QPRT: variants seen among roughly 807,000 people sequenced by gnomAD.
QPRT encodes the protein quinolinate phosphoribosyltransferase.
A neutral mutation model predicts 19.8 loss-of-function variants in QPRT; 17 were observed. The ratio of observed to expected loss-of-function variants is 0.86; its 90% CI spans 0.59 to 1.29. QPRT has a LOEUF of 1.29. Ranked by LOEUF, QPRT falls within the 50% of genes most tolerant of loss-of-function variation. QPRT has a pLI of 0.00. For synonymous variants in QPRT, 178 were observed against 191.0 expected (o/e 0.93, Z 0.56); for missense variants, 336 against 405.1 (o/e 0.83, Z 1.46).
chr16:29,693,892 AC>A (rs1415796875), intron 1 of QPRT, among the ~76,000 whole-genome samples: 1 of 150,306 alleles, frequency 6.7e-6, no homozygotes, highest in Non-Finnish European at 1.5e-5. Flanking sequence ...GCCTGGCCAG[AC>A]TGATTTTTTT....
At chr16:29,695,793 CTTTT>C (rs35141323) in intron 2 of QPRT, 11 of 45,740 alleles carry the variant, frequency 2.4e-4, no homozygotes, top group East Asian at 6.7e-4. Flanking sequence ...ACCCAGCTGC[CTTTT>C]TTTTTTTTTT....
In QPRT at chr16:29,694,899, G is replaced by A. The variant is rs765221759; in HGVS notation, c.249G>A (p.Pro83=). ...WFLPEGSKLV[P]VARVAEVRGP... The stretch of plus-strand genomic sequence containing the variant: ...TCCCCGAGGGATCGAAGCTGGTGCC[G>A]GTGGCCAGAGTGGCCGAGGTCCGGG... The change falls in exon 2 of 4, where the codon CCG becomes CCA. Residue 83 remains proline (P), a synonymous_variant. Coordinates refer to ENST00000395384, the MANE Select transcript of QPRT (RefSeq NM_014298.6). 12 of 1,613,888 alleles carry A rather than the reference G, an allele frequency of 7.4e-6. No individual in the cohort carries two copies. In the East Asian group the frequency reaches 1.1e-4, roughly 15 times the overall value.
At position 29,679,203 on chromosome 16, in the gene QPRT, C is replaced by A. The variant is rs770550707; in HGVS notation, c.6C>A (p.Asp2Glu). The A allele has an allele frequency of 6.2e-7, 1 of 1,612,206 alleles. No homozygotes were observed. The highest frequency in any genetic ancestry group is 8.5e-7 in the Non-Finnish European group (1 of 1,178,528). The change falls in exon 1 of 4, where the codon GAC (aspartate) becomes GAA (glutamate). Residue 2 changes from aspartate (D) to glutamate (E), a missense_variant. Asp to Glu is a conservative substitution (Grantham distance 45). Coordinates refer to ENST00000395384, the MANE Select transcript of QPRT (RefSeq NM_014298.6). Reference sequence around the variant, plus strand: ...CCAGACAGCTGCAAGTCACCATGGACGCTGAAGGTAAAGGGACACTCTCTC... The same window carrying A: ...CCAGACAGCTGCAAGTCACCATGGAAGCTGAAGGTAAAGGGACACTCTCTC... M[D>E]AEGLALLLPP...
At chr16:29,679,266 C>G (rs1393277822) in intron 1 of QPRT, 56 bp downstream of exon 1, 1 of 1,382,508 alleles carries the variant, frequency 7.2e-7, no homozygotes, top group African/African-American at 1.4e-5. Flanking sequence ...CTGCCTACCC[C>G]TGCCCCCACC....
intron 1 of QPRT, among the ~76,000 whole-genome samples, chr16:29,691,201 C>G (rs13332001): frequency 0.015 from 2,255 of 150,904 alleles, 58 homozygotes; most frequent in African/African-American, 0.052. Flanking sequence ...CCTGTCTCTA[C>G]TAAAAATACA....
Position 29,695,073 on chromosome 16 carries a change from G to T in QPRT, c.423G>T (p.Thr141=), listed in dbSNP as rs765678157. The T allele has an allele frequency of 2.5e-6, 4 of 1,606,522 alleles. No individual in the cohort carries two copies. The South Asian group carries it at 3.3e-5, about 13-fold the overall frequency. ...TGHVAGTRKT[T]PGFRLVEKYG... ...ACGTGGCAGGCACGAGGAAGACCACGCCAGGCTTCCGGCTGGTGGAGAAGT... is the reference window on the plus strand; with the variant it reads ...ACGTGGCAGGCACGAGGAAGACCACTCCAGGCTTCCGGCTGGTGGAGAAGT... Residue 141 remains threonine (T), a synonymous_variant, in exon 2 of 4, where the codon ACG becomes ACT. Coordinates refer to ENST00000395384, the MANE Select transcript of QPRT (RefSeq NM_014298.6).
chr16:29,691,394 A>T (rs948099949), intron 1 of QPRT, among the ~76,000 whole-genome samples: 11 of 133,578 alleles, frequency 8.2e-5, no homozygotes, highest in Admixed American at 3.0e-4. Flanking sequence ...AAAAAAAAAA[A>T]TCAGGGTGGG....
At chr16:29,695,349 T>C (rs1168199974) in intron 2 of QPRT, 150 bp downstream of exon 2, 4 of 958,572 alleles carry the variant, frequency 4.2e-6, no homozygotes, top group Non-Finnish European at 6.0e-6. Context: ...CTCCTCCATC[T>C]GAGCTGGGCT....
At position 29,697,619 on chromosome 16, in the gene QPRT, C is replaced by G. The variant is rs1967590590; in HGVS notation, c.*208C>G. 3.4e-6 allele frequency: 2 copies of G among 593,192 alleles called. No individual in the cohort carries two copies. The highest frequency in any genetic ancestry group is 5.9e-6 in the Non-Finnish European group (2 of 338,736). The allele number at this position is 593,192 out of a possible 1,614,324, so 36.7% of individuals were successfully genotyped here. On this transcript the variant is annotated 3_prime_UTR_variant, in exon 4 of 4. Transcript: ENST00000395384. This position sits in a 1 kb window ranked among gnomAD's most constrained non-coding sequence, Gnocchi z 4.4. ...CAGTTTCCTAATCTGTAAAATGGGT[C>G]TAATAAAGGATCAACCACATGGGGT... is the stretch of plus-strand genomic sequence containing the variant.
intron 1 of QPRT, among the ~76,000 whole-genome samples, chr16:29,687,190 G>A (rs1215619248): frequency 6.6e-6 from 1 of 152,048 alleles, no homozygotes; most frequent in Non-Finnish European, 1.5e-5. Flanking sequence ...TGTGCTTCCT[G>A]TTCTTCCCCC....
chr16:29,691,012 A>G (rs1370583548), intron 1 of QPRT, among the ~76,000 whole-genome samples: 1 of 150,886 alleles, frequency 6.6e-6, no homozygotes, highest in Non-Finnish European at 1.5e-5. Flanking sequence ...TTTACCCAAT[A>G]CTCACCAGTT....
chr16:29,681,019 CCCT>C, intron 1 of QPRT, among the ~76,000 whole-genome samples: 1 of 151,790 alleles, frequency 6.6e-6, no homozygotes, highest in East Asian at 1.9e-4. Context: ...GGTGCTTAGA[CCCT>C]CCTCCATGTT....
chr16:29,684,961 C>T (rs759569663), intron 1 of QPRT, among the ~76,000 whole-genome samples: 7 of 152,174 alleles, frequency 4.6e-5, no homozygotes, highest in Non-Finnish European at 5.9e-5. Flanking sequence ...CCGCCCCCTC[C>T]TGCTGTCCCA....
At chr16:29,689,425 G>C (rs1323406289) in intron 1 of QPRT, among the ~76,000 whole-genome samples, 1 of 152,092 alleles carries the variant, frequency 6.6e-6, no homozygotes, top group East Asian at 1.9e-4. Context: ...AGGGGTACAT[G>C]TGCAGGTTTA....
In QPRT at chr16:29,698,690, CCTT is replaced by C. The variant is rs1405992499; in HGVS notation, c.*1283_*1285del. ...ATGCTCCTGGCCAAATAAACCTCTT[CCTT>C]CTTTAATCCGGTGCCTGAGGAGTTT... On this transcript the variant is annotated 3_prime_UTR_variant, in exon 4 of 4. Transcript: ENST00000395384. 2.0e-5 allele frequency: 3 copies of C among 150,274 alleles called. No homozygotes were observed. Among genetic ancestry groups the C allele is most frequent in the Non-Finnish European group, 4.5e-5 (3 of 66,814 alleles). The allele number at this position is 150,274 out of a possible 1,614,324, so 9.3% of individuals were successfully genotyped here.
rs1460122030 is a variant in QPRT, at chr16:29,695,148, G to A, written c.498G>A (p.Gly166=). ...GAASHRYDLG[G]LVMVKDNHVV... ...CCTCGCACCGCTACGACCTGGGAGGGCTGGTGATGGTGAAGGATAACCATG... is the reference window on the plus strand; with the variant it reads ...CCTCGCACCGCTACGACCTGGGAGGACTGGTGATGGTGAAGGATAACCATG... Residue 166 remains glycine (G), a synonymous_variant, in exon 2 of 4, where the codon GGG becomes GGA. Transcript: ENST00000395384. 7.6e-6 allele frequency: 12 copies of A among 1,576,874 alleles called. No individual in the cohort carries two copies. Among genetic ancestry groups the A allele is most frequent in the African/African-American group, 1.3e-5 (1 of 74,546 alleles).
At chr16:29,691,364 CAAA>C (rs537664108) in intron 1 of QPRT, among the ~76,000 whole-genome samples, 691 of 51,814 alleles carry the variant, frequency 0.013, 5 homozygotes, top group African/African-American at 0.07. Context: ...AGCTCTGCAT[CAAA>C]AAAAAAAAAA....
intron 2 of QPRT, 146 bp from the exon 3 acceptor site, chr16:29,696,850 C>T (rs981217113): frequency 2.7e-5 from 26 of 951,398 alleles, no homozygotes; most frequent in African/African-American, 6.7e-5. Context: ...ATGGTCCACC[C>T]GAAGCTTTTC....
At chr16:29,688,836 A>G (rs969538254) in intron 1 of QPRT, among the ~76,000 whole-genome samples, 1 of 148,572 alleles carries the variant, frequency 6.7e-6, no homozygotes, top group Non-Finnish European at 1.5e-5. Flanking sequence ...GCTGGAGTGC[A>G]ATGGCGCGAT....
Sources: gnomAD v4.1 joint callset for allele counts (sites outside exome capture counted in the v4.1 genomes callset) on GRCh38, gnomAD v4.1.1 for gene constraint, Gnocchi (gnomAD v3.1) non-coding constraint, MANE v1.5 for transcripts, NCBI Gene and HGNC (gene_info 2026-07-23, HGNC 2026-07-21) for gene names.